The following TM9SF3 variants were observed in gnomAD, a reference collection of about 807,000 sequenced individuals.
TM9SF3 encodes the protein SM-11044-binding protein.
TM9SF3 carries 14 observed loss-of-function variants against 78.6 expected under a neutral mutation model. That is an observed-to-expected ratio of 0.18 (90% CI 0.12 to 0.28). TM9SF3 has a LOEUF of 0.28. Among genes scored for constraint, TM9SF3 ranks in the 10% least tolerant of loss-of-function variants. TM9SF3 has a pLI of 1.00. For missense variants in TM9SF3, 496 were observed against 721.9 expected, an observed-to-expected ratio of 0.69 and a Z score of 3.59; for synonymous variants, 231 against 241.7, an observed-to-expected ratio of 0.96 and a Z score of 0.41.
In TM9SF3 at chr10:96,586,892, T is replaced by TCCTCCCGCCGCCGCCG; in HGVS notation, c.-58_-57insCGGCGGCGGCGGGAGG. On this transcript the variant is annotated 5_prime_UTR_variant, in exon 1 of 15. It removes the in-frame stop codon of an upstream open reading frame in the 5' UTR. Transcript: ENST00000371142. ...ACCGACTCCTCCTCCCGCCGCCGCC[T>TCCTCCCGCCGCCGCCG]CCTCCGCCGCCGCCGCCTCCGCCGC... is the stretch of plus-strand genomic sequence containing the variant. The TCCTCCCGCCGCCGCCG allele has an allele frequency of 9.0e-7, 1 of 1,112,618 alleles. No homozygotes were observed. Among genetic ancestry groups the TCCTCCCGCCGCCGCCG allele is most frequent in the African/African-American group, 1.7e-5 (1 of 59,618 alleles). 68.9% of individuals were successfully genotyped at this position (1,112,618 alleles called of 1,614,324 possible).
chr10:96,566,375 T>C (rs981248561), intron 2 of TM9SF3, among the ~76,000 whole-genome samples: 3 of 152,196 alleles, frequency 2.0e-5, no homozygotes, highest in Non-Finnish European at 4.4e-5. Context: ...TGTAGCTACA[T>C]CATTTAGTGG....
chr10:96,557,153 G>T (rs1478559374), intron 5 of TM9SF3, among the ~76,000 whole-genome samples: 7 of 152,072 alleles, frequency 4.6e-5, no homozygotes, highest in Non-Finnish European at 8.8e-5. Flanking sequence ...GCCAATTGCT[G>T]CAAAATTTGT....
intron 9 of TM9SF3, among the ~76,000 whole-genome samples, chr10:96,536,499 C>T (rs1847962212): frequency 6.6e-6 from 1 of 152,062 alleles, no homozygotes; most frequent in African/African-American, 2.4e-5. Context: ...GTAACCCTAG[C>T]TCACTTATTG....
At chr10:96,566,629 T>A (rs1848374421) in intron 2 of TM9SF3, among the ~76,000 whole-genome samples, 1 of 152,220 alleles carries the variant, frequency 6.6e-6, no homozygotes, top group African/African-American at 2.4e-5. Context: ...ACATAGATTT[T>A]CTTTCTGCCC....
Position 96,551,321 on chromosome 10 carries a change from T to G in TM9SF3, c.883A>C (p.Ile295Leu), listed in dbSNP as rs1848167092. ...SSHPLIFSSL[I>L]GSGCQIFAVS... is the part of the protein sequence containing the mutation. ...GCAAATATCTGACATCCAGAACCAA[T>G]CAGAGAGGAAAATATCAGTGGGTGA... Residue 295 changes from isoleucine (I) to leucine (L), a missense_variant, in exon 7 of 15, where the codon ATT becomes CTT. Ile to Leu is a conservative substitution (Grantham distance 5). Around this residue, in one of 4 missense-constraint regions of TM9SF3, gnomAD observed 280 missense variants for 422.6 expected, o/e 0.66. Coordinates refer to ENST00000371142, the MANE Select transcript of TM9SF3 (RefSeq NM_020123.4). 1 of 1,613,092 alleles carries G rather than the reference T, an allele frequency of 6.2e-7. No individual in the cohort carries two copies. Among genetic ancestry groups the G allele is most frequent in the African/African-American group, 1.3e-5 (1 of 74,988 alleles).
intron 2 of TM9SF3, among the ~76,000 whole-genome samples, chr10:96,568,583 A>T (rs528650750): frequency 2.0e-5 from 3 of 152,338 alleles, no homozygotes; most frequent in Admixed American, 1.3e-4. Flanking sequence ...CTGAGAAAAG[A>T]AAGTGGTAAT....
chr10:96,567,409 T>C (rs1437724216), intron 2 of TM9SF3, among the ~76,000 whole-genome samples: 1 of 152,170 alleles, frequency 6.6e-6, no homozygotes, highest in Admixed American at 6.5e-5. Flanking sequence ...TTTTAAAAGA[T>C]TCCTCAGAGT....
At chr10:96,541,228 T>A (rs1489114917) in intron 9 of TM9SF3, among the ~76,000 whole-genome samples, 1 of 152,112 alleles carries the variant, frequency 6.6e-6, no homozygotes, top group Admixed American at 6.5e-5. Flanking sequence ...AGACTTTGTG[T>A]CTAAAACCCT....
At chr10:96,523,377 G>T (rs1253182666) in intron 14 of TM9SF3, among the ~76,000 whole-genome samples, 12 of 151,730 alleles carry the variant, frequency 7.9e-5, no homozygotes, top group Admixed American at 7.9e-4. Context: ...TGAATGAAAG[G>T]CAAGAATCAA....
At chr10:96,523,048 A>G (rs1297940978) in intron 14 of TM9SF3, among the ~76,000 whole-genome samples, 1 of 151,928 alleles carries the variant, frequency 6.6e-6, no homozygotes, top group Non-Finnish European at 1.5e-5. Context: ...TGCCTGGCAT[A>G]TAAGATACTT....
chr10:96,531,124 T>G (rs778107891), intron 10 of TM9SF3, among the ~76,000 whole-genome samples: 2 of 152,118 alleles, frequency 1.3e-5, no homozygotes, highest in Non-Finnish European at 2.9e-5. Flanking sequence ...ACCAAAGAAA[T>G]AAAAAATAAA....
At chr10:96,571,498 C>T (rs1364078524) in intron 2 of TM9SF3, among the ~76,000 whole-genome samples, 1 of 152,162 alleles carries the variant, frequency 6.6e-6, no homozygotes, top group Admixed American at 6.5e-5. Context: ...AGTAAACCTA[C>T]CATCCCCCCA....
chr10:96,535,358 T>C (rs1847945563), intron 9 of TM9SF3, among the ~76,000 whole-genome samples: 1 of 152,194 alleles, frequency 6.6e-6, no homozygotes, highest in African/African-American at 2.4e-5. Flanking sequence ...ATGAACTCAT[T>C]TGTGAAGAAT....
Position 96,586,872 on chromosome 10 carries a change from C to T in TM9SF3, c.-37G>A. On this transcript the variant is annotated 5_prime_UTR_variant, in exon 1 of 15. Transcript: ENST00000371142. ...CTCCGGCCCGGAGCCGGCTCACCGACTCCTCCTCCCGCCGCCGCCTCCTCC... is the reference window on the plus strand; with the variant it reads ...CTCCGGCCCGGAGCCGGCTCACCGATTCCTCCTCCCGCCGCCGCCTCCTCC... 7.6e-6 allele frequency: 9 copies of T among 1,182,602 alleles called. No individual in the cohort carries two copies. Among genetic ancestry groups the T allele is most frequent in the Non-Finnish European group, 9.4e-6 (9 of 960,494 alleles). 73.3% of individuals were successfully genotyped at this position (1,182,602 alleles called of 1,614,324 possible). A position where few individuals can be genotyped will look rare whatever the true frequency, so the allele number is the denominator to read the frequency against.
chr10:96,582,703 C>T (rs1027474140), intron 1 of TM9SF3, among the ~76,000 whole-genome samples: 8 of 152,126 alleles, frequency 5.3e-5, no homozygotes, highest in Non-Finnish European at 1.0e-4. Context: ...TATGTACATA[C>T]AGTCAATAGC....
At chr10:96,573,185 A>G (rs557913137) in intron 2 of TM9SF3, among the ~76,000 whole-genome samples, 83 of 152,360 alleles carry the variant, frequency 5.4e-4, no homozygotes, top group South Asian at 2.1e-3. Flanking sequence ...AAATATTCCT[A>G]TAGTTCACAA....
intron 2 of TM9SF3, among the ~76,000 whole-genome samples, chr10:96,567,825 T>A (rs957953808): frequency 2.0e-5 from 3 of 152,192 alleles, no homozygotes; most frequent in East Asian, 3.8e-4. Context: ...AAACAAAAAA[T>A]TTTAAGAGCA....
rs537237954 is a variant in TM9SF3 at position 96,559,239 on chromosome 10, A to G, written c.660+420T>C. 3.1e-4 allele frequency among the ~76,000 whole-genome samples: 47 copies of G among 152,256 alleles called. 2 individuals carry two copies. In the South Asian group the frequency reaches 9.5e-3, roughly 31 times the overall value. On this transcript the variant is annotated intron_variant, in intron 5 of 14. Transcript: ENST00000371142. ...GTGCCCATGTAGGGAAGCCTATAAT[A>G]TACTCTCTGAGTGTGTTAAGTCTAA...
intron 5 of TM9SF3, among the ~76,000 whole-genome samples, chr10:96,553,425 G>A (rs1848197880): frequency 6.6e-6 from 1 of 152,144 alleles, no homozygotes; most frequent in Non-Finnish European, 1.5e-5. Context: ...TGTGACCGCG[G>A]TTTTCTCATC....
Sources: gnomAD v4.1 joint callset for allele counts (sites outside exome capture counted in the v4.1 genomes callset) on GRCh38, gnomAD v4.1.1 for gene constraint, gnomAD v4.1.1 regional missense constraint, MANE v1.5 for transcripts, NCBI Gene and HGNC (gene_info 2026-07-23, HGNC 2026-07-21) for gene names.